The following PLD5 variants were observed in gnomAD, a reference collection of about 807,000 sequenced individuals.
PLD5 encodes the protein inactive phospholipase D5.
A neutral mutation model predicts 61.1 loss-of-function variants in PLD5; 36 were observed. That is an observed-to-expected ratio of 0.59 (90% CI 0.45 to 0.78). The LOEUF is 0.78. Among genes scored for constraint, PLD5 ranks in the 30% least tolerant of loss-of-function variants. The pLI is 0.00. For synonymous variants in PLD5, 243 were observed against 242.8 expected (o/e 1.00, Z -0.01); for missense variants, 515 against 644.4 (o/e 0.80, Z 2.17).
At chr1:242,234,274 C>A (rs1671496771) in intron 4 of PLD5, among the ~76,000 whole-genome samples, 1 of 152,054 alleles carries the variant, frequency 6.6e-6, no homozygotes, top group African/African-American at 2.4e-5. Flanking sequence ...AAAAATCCAG[C>A]CAACCGTGCA....
At chr1:242,486,328 C>T (rs1160964830) in intron 1 of PLD5, among the ~76,000 whole-genome samples, 1 of 152,032 alleles carries the variant, frequency 6.6e-6, no homozygotes, top group South Asian at 2.1e-4. Context: ...TGACAAAGGG[C>T]TAATATCCAG....
At chr1:242,313,663 T>C (rs1357213047) in intron 2 of PLD5, among the ~76,000 whole-genome samples, 1 of 152,236 alleles carries the variant, frequency 6.6e-6, no homozygotes, top group Non-Finnish European at 1.5e-5. Flanking sequence ...CCTCCTTCAT[T>C]TCCCACATTT....
At chr1:242,171,462 A>C (rs1373039378) in intron 5 of PLD5, among the ~76,000 whole-genome samples, 6 of 152,182 alleles carry the variant, frequency 3.9e-5, no homozygotes, top group Non-Finnish European at 7.3e-5. Context: ...GACCATCGAC[A>C]CTAGGAAGAA....
At chr1:242,422,477 T>C (rs949583703) in intron 1 of PLD5, among the ~76,000 whole-genome samples, 2 of 152,196 alleles carry the variant, frequency 1.3e-5, no homozygotes, top group African/African-American at 2.4e-5. Flanking sequence ...ATTTTCAAAG[T>C]GTTCTTCAAA....
At chr1:242,108,762 A>G (rs1661260945) in intron 7 of PLD5, among the ~76,000 whole-genome samples, 1 of 152,152 alleles carries the variant, frequency 6.6e-6, no homozygotes, top group South Asian at 2.1e-4. Flanking sequence ...TGAACTAATG[A>G]TACATTATTT....
intron 8 of PLD5, 51 bp downstream of exon 8, chr1:242,107,620 T>G: frequency 6.7e-7 from 1 of 1,492,524 alleles, no homozygotes; most frequent in South Asian, 1.4e-5. Context: ...TTCACACACA[T>G]GCAGAGGGCA....
intron 4 of PLD5, among the ~76,000 whole-genome samples, chr1:242,223,592 G>A (rs1030422380): frequency 1.3e-5 from 2 of 152,150 alleles, no homozygotes; most frequent in Non-Finnish European, 2.9e-5. Context: ...CCAGTGCCAA[G>A]ATAGCTATGT....
At chr1:242,349,012 C>G (rs192306506) in intron 1 of PLD5, among the ~76,000 whole-genome samples, 300 of 152,292 alleles carry the variant, frequency 2.0e-3, no homozygotes, top group Middle Eastern at 0.01. Flanking sequence ...CAAGATCGCA[C>G]CACTGCACTC....
chr1:242,158,027 T>G (rs571015789), intron 5 of PLD5, among the ~76,000 whole-genome samples: 11 of 152,282 alleles, frequency 7.2e-5, no homozygotes, highest in Admixed American at 4.6e-4. Flanking sequence ...AATCTGGCAG[T>G]CTGGCCACAG....
intron 1 of PLD5, among the ~76,000 whole-genome samples, chr1:242,369,539 G>T (rs182299944): frequency 6.6e-6 from 1 of 152,270 alleles, no homozygotes. Flanking sequence ...TAAAATGTGC[G>T]TATGCTTATA....
At chr1:242,525,137 G>A (rs1669410735), upstream of PLD5, among the ~76,000 whole-genome samples, 1 of 152,096 alleles carries the variant, frequency 6.6e-6, no homozygotes, top group Admixed American at 6.5e-5. Flanking sequence ...TTAGAGCAGA[G>A]GGTGCCCAGC....
chr1:242,204,879 C>CA (rs1405223056), intron 5 of PLD5, among the ~76,000 whole-genome samples: 1 of 152,038 alleles, frequency 6.6e-6, no homozygotes, highest in East Asian at 1.9e-4. Context: ...AGCTTAGTAA[C>CA]AGCCAAAAAA....
intron 5 of PLD5, among the ~76,000 whole-genome samples, chr1:242,197,633 C>CT (rs111450387): frequency 0.079 from 8,298 of 105,376 alleles, 480 homozygotes; most frequent in African/African-American, 0.19. Flanking sequence ...TAATTGCACA[C>CT]TTTTTTTTTT....
At chr1:242,140,163 T>C (rs184716124) in intron 5 of PLD5, among the ~76,000 whole-genome samples, 15 of 152,294 alleles carry the variant, frequency 9.8e-5, no homozygotes, top group Admixed American at 4.6e-4. Flanking sequence ...ACCAACGTGT[T>C]CGGCACAAGG....
At chr1:242,525,475 C>T (rs1297518582), upstream of PLD5, among the ~76,000 whole-genome samples, 1 of 152,232 alleles carries the variant, frequency 6.6e-6, no homozygotes, top group Non-Finnish European at 1.5e-5. Flanking sequence ...TCCTTCGGGG[C>T]CCAGCCAAGC....
At chr1:242,442,344 A>G (rs1666315365) in intron 1 of PLD5, among the ~76,000 whole-genome samples, 1 of 152,232 alleles carries the variant, frequency 6.6e-6, no homozygotes, top group Non-Finnish European at 1.5e-5. Context: ...CGCCACTGCT[A>G]GTAGTGTGGT....
chr1:242,128,042 C>A (rs570380526), intron 5 of PLD5, among the ~76,000 whole-genome samples: 11 of 152,264 alleles, frequency 7.2e-5, no homozygotes, highest in Non-Finnish European at 1.5e-4. Flanking sequence ...GCTTGGAAAA[C>A]TGCTCAAAGC....
At chr1:242,443,275 AAG>A (rs1428900658) in intron 1 of PLD5, among the ~76,000 whole-genome samples, 3 of 152,182 alleles carry the variant, frequency 2.0e-5, no homozygotes, top group African/African-American at 7.2e-5. Flanking sequence ...GGTAAAATAA[AAG>A]AGGAAATTAA....
At chr1:242,272,862 A>G (rs1674182040) in intron 3 of PLD5, among the ~76,000 whole-genome samples, 1 of 152,196 alleles carries the variant, frequency 6.6e-6, no homozygotes, top group Non-Finnish European at 1.5e-5. Context: ...TATAGAAGGG[A>G]ACTTAATAGA....
Sources: allele counts gnomAD v4.1 joint callset (sites outside exome capture counted in the v4.1 genomes callset), GRCh38; gene constraint gnomAD v4.1.1; transcripts MANE v1.5; gene names NCBI Gene and HGNC (gene_info 2026-07-23, HGNC 2026-07-21).